Variants in F2RL1 observed in about 807,000 individuals in gnomAD.
F2RL1 encodes the protein F2R like trypsin receptor 1, also known as proteinase-activated receptor 2.
In F2RL1, 16 loss-of-function variants were observed where a neutral mutation model predicts 21.7. The ratio of observed to expected loss-of-function variants is 0.74; its 90% CI spans 0.50 to 1.12. The LOEUF (loss-of-function observed/expected upper bound fraction) is 1.12. Ranked by LOEUF, F2RL1 falls within the 50% of genes most tolerant of loss-of-function variation. The probability of loss-of-function intolerance (pLI) is 0.00; values close to 1 mark genes in which losing one functional copy is unlikely to be tolerated. For synonymous variants in F2RL1, 181 were observed against 186.7 expected (o/e 0.97, Z 0.25); for missense variants, 432 against 477.8 (o/e 0.90, Z 0.89).
chr5:76,825,252 G>T (rs1270988226), intron 1 of F2RL1, among the ~76,000 whole-genome samples: 1 of 151,966 alleles, frequency 6.6e-6, no homozygotes, highest in South Asian at 2.1e-4. Context: ...GGATCCACCC[G>T]CCTCGGCCTC....
At position 76,832,551 on chromosome 5, in the gene F2RL1, C is replaced by T. The variant is rs138860362; in HGVS notation, c.83-139C>T. ...GCGGTGCATTATGATCGCTCCACTACGCTCCAGCCTGGGTGACAGCGAGAC... is the reference window on the plus strand; with the variant it reads ...GCGGTGCATTATGATCGCTCCACTATGCTCCAGCCTGGGTGACAGCGAGAC... On this transcript the variant is annotated intron_variant, in intron 1 of 1. Coordinates refer to ENST00000296677, the MANE Select transcript of F2RL1 (RefSeq NM_005242.6). 1.5e-3 allele frequency: 1,270 copies of T among 866,766 alleles called. 12 individuals are homozygous for T. The African/African-American group carries it at 0.019, about 13-fold the overall frequency. The allele number at this position is 866,766 out of a possible 1,614,324, so 53.7% of individuals were successfully genotyped here. A position where few individuals can be genotyped will look rare whatever the true frequency, so the allele number is the denominator to read the frequency against.
At chr5:76,820,265 C>T (rs952894306) in intron 1 of F2RL1, among the ~76,000 whole-genome samples, 4 of 152,176 alleles carry the variant, frequency 2.6e-5, no homozygotes, top group Non-Finnish European at 5.9e-5. Flanking sequence ...TGCGATCGCG[C>T]CACTGTGATC....
chr5:76,833,255 C>A lies in F2RL1; in HGVS notation c.648C>A (p.Ile216=), dbSNP rs535468564. Residue 216 remains isoleucine, a synonymous_variant, in exon 2 of 2, where the codon ATC becomes ATA. Coordinates refer to ENST00000296677, the MANE Select transcript of F2RL1 (RefSeq NM_005242.6). ...TIPLYVVKQT[I]FIPALNITTC... ...CTTTGTATGTCGTGAAGCAGACCATCTTCATTCCTGCCCTGAACATCACGA... is the reference window on the plus strand; with the variant it reads ...CTTTGTATGTCGTGAAGCAGACCATATTCATTCCTGCCCTGAACATCACGA... The A allele has an allele frequency of 8.7e-6, 14 of 1,613,654 alleles. No homozygotes were observed. In the East Asian group the frequency reaches 2.2e-4, roughly 26 times the overall value.
intron 1 of F2RL1, among the ~76,000 whole-genome samples, chr5:76,828,923 T>C (rs975194843): frequency 1.3e-5 from 2 of 152,004 alleles, no homozygotes. Context: ...CGAGACCAGC[T>C]TGACCAACAT....
At chr5:76,830,859 C>T (rs148878248) in intron 1 of F2RL1, among the ~76,000 whole-genome samples, 38 of 152,200 alleles carry the variant, frequency 2.5e-4, no homozygotes, top group African/African-American at 8.4e-4. Flanking sequence ...AAAAATTCTG[C>T]GGAACATTAG....
chr5:76,824,616 C>T (rs897695456), intron 1 of F2RL1, among the ~76,000 whole-genome samples: 2 of 152,042 alleles, frequency 1.3e-5, no homozygotes, highest in African/African-American at 2.4e-5. Context: ...CGTGAGCCAC[C>T]CTGCCAGGGC....
Position 76,832,675 on chromosome 5 carries a change from T to C in F2RL1, c.83-15T>C, listed in dbSNP as rs772577196. The stretch of plus-strand genomic sequence containing the variant: ...TTTATTTCTGTAATGACCCTTGTCT[T>C]CCTTTCTTGTACAGGAACCAGTAGA... On this transcript the variant is annotated splice_polypyrimidine_tract_variant and intron_variant, in intron 1 of 1. Transcript: ENST00000296677. 14 of 1,573,202 alleles carry C rather than the reference T, an allele frequency of 8.9e-6. No individual in the cohort carries two copies. The highest frequency in any genetic ancestry group is 1.4e-5 in the African/African-American group (1 of 73,404).
At chr5:76,822,509 T>C (rs1213316171) in intron 1 of F2RL1, among the ~76,000 whole-genome samples, 1 of 152,216 alleles carries the variant, frequency 6.6e-6, no homozygotes, top group Non-Finnish European at 1.5e-5. Flanking sequence ...TGAGCCACCG[T>C]GCCTGGCCAA....
At position 76,819,046 on chromosome 5, in the gene F2RL1, T is replaced by C. The variant is rs1179907216; in HGVS notation, c.-137T>C. 3 of 705,728 alleles carry C rather than the reference T, an allele frequency of 4.3e-6. No individual in the cohort carries two copies. Among genetic ancestry groups the C allele is most frequent in the Admixed American group, 5.7e-5 (2 of 35,098 alleles). 43.7% of individuals were successfully genotyped at this position (705,728 alleles called of 1,614,324 possible). On this transcript the variant is annotated 5_prime_UTR_variant, in exon 1 of 2. Coordinates refer to ENST00000296677, the MANE Select transcript of F2RL1 (RefSeq NM_005242.6). The stretch of plus-strand genomic sequence containing the variant: ...GGTTTCCCTGAAACCTAACCCGCCC[T>C]GGGGAGGCGCGCAGCAGAGGCTCCG...
chr5:76,820,625 G>A (rs1750116368), intron 1 of F2RL1, among the ~76,000 whole-genome samples: 1 of 152,154 alleles, frequency 6.6e-6, no homozygotes, highest in Non-Finnish European at 1.5e-5. Context: ...GCAAAGGTTA[G>A]TATGTGCAAA....
Position 76,827,478 on chromosome 5 carries a change from G to A in F2RL1, c.83-5212G>A, listed in dbSNP as rs536162130. The stretch of plus-strand genomic sequence containing the variant: ...CGCGCCACTGCACTCCAGCCTGGGC[G>A]ACAGCGAGACTCCGTCTCAAAAAAA... On this transcript the variant is annotated intron_variant, in intron 1 of 1. Coordinates refer to ENST00000296677, the MANE Select transcript of F2RL1 (RefSeq NM_005242.6). Among the ~76,000 whole-genome samples, 69 of 150,652 alleles carry A rather than the reference G, an allele frequency of 4.6e-4. No individual in the cohort carries two copies. The East Asian group carries it at 0.01, about 23-fold the overall frequency.
chr5:76,822,261 A>G (rs2243011), intron 1 of F2RL1, among the ~76,000 whole-genome samples: 2,004 of 152,102 alleles, frequency 0.013, 43 homozygotes, highest in African/African-American at 0.047. Flanking sequence ...TCTGTTGCCC[A>G]GGCTGTAGTG....
chr5:76,827,663 A>C (rs1750269163), intron 1 of F2RL1, among the ~76,000 whole-genome samples: 1 of 136,998 alleles, frequency 7.3e-6, no homozygotes, highest in Non-Finnish European at 1.5e-5. Flanking sequence ...GCAATGGCAC[A>C]GTCTAGGCTC....
chr5:76,830,740 G>A (rs977389862), intron 1 of F2RL1, among the ~76,000 whole-genome samples: 10 of 152,012 alleles, frequency 6.6e-5, no homozygotes, highest in Non-Finnish European at 1.3e-4. Flanking sequence ...CTCTTTTGGG[G>A]GCACCACCTT....
intron 1 of F2RL1, among the ~76,000 whole-genome samples, chr5:76,827,136 C>A (rs1281678925): frequency 6.6e-6 from 1 of 151,484 alleles, no homozygotes; most frequent in African/African-American, 2.4e-5. Context: ...CAGGTGAGCA[C>A]CACTGTGCCC....
In F2RL1 at chr5:76,819,134, T is replaced by A; in HGVS notation, c.-49T>A. Reference sequence around the variant, plus strand: ...GTCCAGTGGAGCTCTGAGTTTCGAATCGGCGGCGGCGGATTCCCCGCGCGC... The same window carrying A: ...GTCCAGTGGAGCTCTGAGTTTCGAAACGGCGGCGGCGGATTCCCCGCGCGC... On this transcript the variant is annotated 5_prime_UTR_variant, in exon 1 of 2. Transcript: ENST00000296677. 6.8e-7 allele frequency: 1 copy of A among 1,480,266 alleles called. No individual in the cohort carries two copies. The highest frequency in any genetic ancestry group is 9.1e-7 in the Non-Finnish European group (1 of 1,094,178). 91.7% of individuals were successfully genotyped at this position (1,480,266 alleles called of 1,614,324 possible).
At chr5:76,829,345 C>T (rs1324272042) in intron 1 of F2RL1, among the ~76,000 whole-genome samples, 2 of 151,330 alleles carry the variant, frequency 1.3e-5, no homozygotes, top group Non-Finnish European at 2.9e-5. Flanking sequence ...AATCCTCCTG[C>T]TTTGGCCTCT....
intron 1 of F2RL1, among the ~76,000 whole-genome samples, chr5:76,825,671 C>A (rs1750225874): frequency 6.6e-6 from 1 of 152,160 alleles, no homozygotes; most frequent in South Asian, 2.1e-4. Flanking sequence ...GTTCTCTAGA[C>A]AAGCTCTGTG....
intron 1 of F2RL1, among the ~76,000 whole-genome samples, chr5:76,830,694 A>G (rs1750334830): frequency 6.6e-6 from 1 of 152,152 alleles, no homozygotes; most frequent in East Asian, 1.9e-4. Flanking sequence ...TTTGCTAAAT[A>G]ATGTTCACAG....
Sources: gnomAD v4.1 joint callset for allele counts (sites outside exome capture counted in the v4.1 genomes callset) on GRCh38, gnomAD v4.1.1 for gene constraint, MANE v1.5 for transcripts, NCBI Gene and HGNC (gene_info 2026-07-23, HGNC 2026-07-21) for gene names.